EXOC4: variants seen among roughly 807,000 people sequenced by gnomAD.
EXOC4 encodes the protein exocyst complex component 4, also known as SEC8-like 1.
In EXOC4, 71 loss-of-function variants were observed where a neutral mutation model predicts 107.2. The observed-to-expected ratio is 0.66, with a 90% CI of 0.55 to 0.81. The LOEUF is 0.81. EXOC4 is among the 30% of genes least tolerant of loss of function. The probability of loss-of-function intolerance (pLI) is 0.00; values close to 1 mark genes in which losing one functional copy is unlikely to be tolerated. For synonymous variants in EXOC4, 456 were observed against 441.2 expected (o/e 1.03, Z -0.42); for missense variants, 1,108 against 1,189.6 (o/e 0.93, Z 1.01).
chr7:133,625,792 C>T (rs907757719), intron 9 of EXOC4, among the ~76,000 whole-genome samples: 2 of 152,134 alleles, frequency 1.3e-5, no homozygotes, highest in African/African-American at 4.8e-5. Flanking sequence ...CATCATTCGA[C>T]ATTTTCTCTG....
chr7:134,066,076 C>G (rs1796171199), downstream of EXOC4: 1 of 152,210 alleles, frequency 6.6e-6, no homozygotes, highest in Admixed American at 6.5e-5. Flanking sequence ...AGTTGAATCT[C>G]TGTAGGAGAC....
At chr7:133,615,298 G>A (rs1045659855) in intron 9 of EXOC4, among the ~76,000 whole-genome samples, 1 of 151,208 alleles carries the variant, frequency 6.6e-6, no homozygotes, top group African/African-American at 2.4e-5. Context: ...TACTCAAAAT[G>A]AAGAAAACGA....
At chr7:133,740,328 T>A (rs1479713096) in intron 10 of EXOC4, among the ~76,000 whole-genome samples, 1 of 152,180 alleles carries the variant, frequency 6.6e-6, no homozygotes, top group African/African-American at 2.4e-5. Flanking sequence ...TTTTCACACA[T>A]TTTATATATG....
chr7:134,086,689 C>G, the EXOC4 span, among the ~76,000 whole-genome samples: 1 of 152,040 alleles, frequency 6.6e-6, no homozygotes, highest in African/African-American at 2.4e-5. Flanking sequence ...GTTCTTGGGT[C>G]TTGGGCAAGA....
chr7:133,427,762 C>T (rs1467065517), intron 7 of EXOC4, among the ~76,000 whole-genome samples: 1 of 152,144 alleles, frequency 6.6e-6, no homozygotes, highest in African/African-American at 2.4e-5. Context: ...ATATTTTCTT[C>T]TTGTATTTCC....
In EXOC4 at chr7:133,576,926, T is replaced by A; in HGVS notation, c.1418-53119T>A. On this transcript the variant is annotated intron_variant, in intron 9 of 17. Transcript: ENST00000253861. ...GTTTGTTCTTGCTTTCCAGATCTCT[T>A]ATTCACTGCATGTGTGTATGTGGGT... 2.2e-5 allele frequency: 27 copies of A among 1,209,548 alleles called. 1 individual carries two copies. The South Asian group carries it at 3.3e-4, about 15-fold the overall frequency. The allele number at this position is 1,209,548 out of a possible 1,614,324, so 74.9% of individuals were successfully genotyped here.
chr7:133,899,745 C>CT (rs35095963), intron 12 of EXOC4, among the ~76,000 whole-genome samples: 3,039 of 86,052 alleles, frequency 0.035, 85 homozygotes, highest in Admixed American at 0.044. Context: ...CAGATGTACT[C>CT]TTTTTTTTTT....
chr7:133,836,143 A>C (rs566351642), intron 11 of EXOC4, among the ~76,000 whole-genome samples: 1 of 152,228 alleles, frequency 6.6e-6, no homozygotes, highest in Non-Finnish European at 1.5e-5. Flanking sequence ...AAACTCATAC[A>C]CATGGGATAA....
chr7:133,357,462 TTTAA>T (rs1247308146), intron 6 of EXOC4, among the ~76,000 whole-genome samples: 1 of 152,242 alleles, frequency 6.6e-6, no homozygotes, highest in Non-Finnish European at 1.5e-5. Context: ...CTCAGGAATT[TTTAA>T]AACAATAAGA....
chr7:133,305,972 C>T lies in EXOC4; in HGVS notation c.567C>T (p.His189=), dbSNP rs756723989. The part of the protein sequence containing the change: ...LELHSKKMNL[H]LVLIDELHRH... The stretch of plus-strand genomic sequence containing the variant: ...TTCACAGCAAGAAGATGAACCTTCA[C>T]TTGGTTCTCATAGATGAACTACACC... The change falls in exon 4 of 18, where the codon CAC becomes CAT. Residue 189 remains histidine, a synonymous_variant. Transcript: ENST00000253861. 1.9e-6 allele frequency: 3 copies of T among 1,613,928 alleles called. No homozygotes were observed. The highest frequency in any genetic ancestry group is 2.2e-5 in the East Asian group (1 of 44,844).
chr7:133,718,932 G>T (rs1376491830), intron 10 of EXOC4, among the ~76,000 whole-genome samples: 3 of 152,086 alleles, frequency 2.0e-5, no homozygotes, highest in Non-Finnish European at 4.4e-5. Context: ...CTTAATGTAA[G>T]ACCAAAGAGT....
chr7:133,543,881 C>A (rs1360728754), intron 9 of EXOC4, among the ~76,000 whole-genome samples: 1 of 152,164 alleles, frequency 6.6e-6, no homozygotes, highest in Non-Finnish European at 1.5e-5. Flanking sequence ...CTAATCTTAT[C>A]TGCTGGCTAG....
At chr7:134,016,012 A>G (rs774600568) in intron 17 of EXOC4, among the ~76,000 whole-genome samples, 3 of 152,050 alleles carry the variant, frequency 2.0e-5, no homozygotes, top group African/African-American at 7.2e-5. Flanking sequence ...GTGATTGAAT[A>G]GTGAGGGTAA....
intron 10 of EXOC4, among the ~76,000 whole-genome samples, chr7:133,712,748 C>T (rs1287374094): frequency 6.6e-6 from 1 of 152,054 alleles, no homozygotes; most frequent in Non-Finnish European, 1.5e-5. Flanking sequence ...AATGGTATAT[C>T]CATATAGTGG....
intron 10 of EXOC4, among the ~76,000 whole-genome samples, chr7:133,767,795 C>T (rs986992985): frequency 2.6e-5 from 4 of 151,972 alleles, no homozygotes; most frequent in Non-Finnish European, 5.9e-5. Flanking sequence ...AATTCACTCA[C>T]ATTAATGAGT....
chr7:133,426,416 T>C (rs1048216425), intron 7 of EXOC4, among the ~76,000 whole-genome samples: 12 of 152,236 alleles, frequency 7.9e-5, no homozygotes, highest in Non-Finnish European at 1.5e-4. Flanking sequence ...GCATATTATA[T>C]TGTCTGAGGC....
chr7:133,712,136 C>G (rs1369077444), intron 10 of EXOC4, among the ~76,000 whole-genome samples: 2 of 152,046 alleles, frequency 1.3e-5, no homozygotes, highest in Non-Finnish European at 2.9e-5. Flanking sequence ...CTTGCCAGGA[C>G]ATTAAAAAAT....
At chr7:133,598,983 C>G (rs1307389476) in intron 9 of EXOC4, among the ~76,000 whole-genome samples, 3 of 151,660 alleles carry the variant, frequency 2.0e-5, no homozygotes, top group African/African-American at 7.3e-5. Flanking sequence ...GACTCCATCT[C>G]CAATAACTAA....
chr7:133,317,457 G>A, intron 5 of EXOC4, 67 bp downstream of exon 5: 1 of 1,138,218 alleles, frequency 8.8e-7, no homozygotes, highest in Non-Finnish European at 1.3e-6. Flanking sequence ...GATATCTGGA[G>A]GAGCTTTTTG....
Sources: allele counts gnomAD v4.1 joint callset (sites outside exome capture counted in the v4.1 genomes callset), GRCh38; gene constraint gnomAD v4.1.1; transcripts MANE v1.5; gene names NCBI Gene and HGNC (gene_info 2026-07-23, HGNC 2026-07-21).